The following POP1 variants were observed in gnomAD, a reference collection of about 807,000 sequenced individuals.
POP1 encodes ribonucleases P/MRP protein subunit POP1.
Under a neutral mutation model 102.2 loss-of-function variants are expected in POP1, and 75 were observed. That is an observed-to-expected ratio of 0.73 (90% CI 0.61 to 0.89). The LOEUF is 0.89. Among genes scored for constraint, POP1 ranks in the 40% least tolerant of loss-of-function variants. The pLI is 0.00. For missense variants in POP1, 1,116 were observed against 1,267.4 expected (o/e 0.88, Z 1.81); for synonymous variants, 436 against 464.1 (o/e 0.94, Z 0.78).
At position 98,128,445 on chromosome 8, in the gene POP1, G is replaced by T; in HGVS notation, c.391G>T (p.Val131Phe). Residue 131 changes from valine to phenylalanine, a missense_variant, in exon 4 of 16, where the codon GTT becomes TTT. Val to Phe is a conservative substitution (Grantham distance 50, BLOSUM62 -1). Coordinates refer to ENST00000401707, the MANE Select transcript of POP1 (RefSeq NM_001145860.2). ...GACCCAGAAGTCTTCGAATTCACTGGTTTTTCAGACTCTGCCACGGCACAT... is the reference window on the plus strand; with the variant it reads ...GACCCAGAAGTCTTCGAATTCACTGTTTTTTCAGACTCTGCCACGGCACAT... ...AVTQKSSNSL[V>F]FQTLPRHMRR... The T allele has an allele frequency of 6.2e-7, 1 of 1,614,072 alleles. No homozygotes were observed. The highest frequency in any genetic ancestry group is 8.5e-7 in the Non-Finnish European group (1 of 1,179,982).
At chr8:98,145,397 C>CT (rs1384500890) in intron 11 of POP1, among the ~76,000 whole-genome samples, 2 of 152,220 alleles carry the variant, frequency 1.3e-5, no homozygotes, top group Admixed American at 6.5e-5. Context: ...CACAAATTGT[C>CT]TTTTTTTCTA....
At position 98,153,065 on chromosome 8, in the gene POP1, G is replaced by T. The variant is rs564557893; in HGVS notation, c.2057+2426G>T. Among the ~76,000 whole-genome samples, 15 of 152,240 alleles carry T rather than the reference G, an allele frequency of 9.9e-5. 1 individual carries two copies. In the South Asian group the frequency reaches 3.1e-3, roughly 32 times the overall value. ...GCTTACTGCAGCCTCCAACTCGTGG[G>T]CTCAAGCAATCCTCCCATCTCAGCT... On this transcript the variant is annotated intron_variant, in intron 14 of 15. Coordinates refer to ENST00000401707, the MANE Select transcript of POP1 (RefSeq NM_001145860.2).
Position 98,150,587 on chromosome 8 carries a change from G to A in POP1, c.2005G>A (p.Gly669Arg), listed in dbSNP as rs370690287. ...AGGCGATTTTCCAGACTGCCCTGCCGGGATGCTGTTTGCGGAAGAGCAAGC... is the reference window on the plus strand; with the variant it reads ...AGGCGATTTTCCAGACTGCCCTGCCAGGATGCTGTTTGCGGAAGAGCAAGC... ...VPGDFPDCPA[G>R]MLFAEEQAKN... is the part of the protein sequence containing the mutation. The change falls in exon 14 of 16, where the codon GGG (glycine) becomes AGG (arginine). Residue 669 changes from glycine (G) to arginine (R), a missense_variant. Transcript: ENST00000401707. 1.9e-5 allele frequency: 31 copies of A among 1,614,046 alleles called. No homozygotes were observed. Among genetic ancestry groups the A allele is most frequent in the Non-Finnish European group, 2.6e-5 (31 of 1,180,042 alleles).
intron 7 of POP1, among the ~76,000 whole-genome samples, chr8:98,135,768 AG>A (rs1816518580): frequency 6.6e-6 from 1 of 152,122 alleles, no homozygotes; most frequent in Non-Finnish European, 1.5e-5. Flanking sequence ...GTGCAGTCAT[AG>A]CCCACTGCAG....
At chr8:98,132,677 G>T (rs982473205) in intron 5 of POP1, among the ~76,000 whole-genome samples, 1 of 152,100 alleles carries the variant, frequency 6.6e-6, no homozygotes, top group Non-Finnish European at 1.5e-5. Flanking sequence ...TGTCAGATAA[G>T]ATAACCATAC....
intron 14 of POP1, among the ~76,000 whole-genome samples, chr8:98,152,765 A>C (rs1413573807): frequency 6.6e-6 from 1 of 152,210 alleles, no homozygotes. Flanking sequence ...CCTGTAATTT[A>C]TCAGTGGCTT....
chr8:98,151,967 C>G (rs1481824678), intron 14 of POP1, among the ~76,000 whole-genome samples: 1 of 152,004 alleles, frequency 6.6e-6, no homozygotes, highest in Non-Finnish European at 1.5e-5. Context: ...TTCCTGGGCT[C>G]AAGTGATCCA....
chr8:98,152,244 T>A (rs1265492338), intron 14 of POP1, among the ~76,000 whole-genome samples: 1 of 152,268 alleles, frequency 6.6e-6, no homozygotes. Context: ...GAGCTTTTTA[T>A]GCATGCAAAT....
intron 14 of POP1, among the ~76,000 whole-genome samples, chr8:98,151,662 G>A (rs1456972022): frequency 3.3e-5 from 5 of 151,474 alleles, no homozygotes; most frequent in African/African-American, 1.2e-4. Context: ...TTGATGGTGA[G>A]CTTCATGAGG....
intron 9 of POP1, among the ~76,000 whole-genome samples, chr8:98,139,009 C>T (rs548778510): frequency 2.0e-4 from 30 of 152,224 alleles, no homozygotes; most frequent in Admixed American, 1.8e-3. Flanking sequence ...CCAGCCAACA[C>T]ACCCGGCTAA....
At chr8:98,145,638 G>C (rs1458461965) in intron 11 of POP1, among the ~76,000 whole-genome samples, 2 of 152,160 alleles carry the variant, frequency 1.3e-5, no homozygotes, top group Non-Finnish European at 1.5e-5. Context: ...GGGCACGGTG[G>C]CTCACACCTA....
intron 12 of POP1, among the ~76,000 whole-genome samples, chr8:98,147,373 C>G (rs1293351045): frequency 6.6e-6 from 1 of 152,088 alleles, no homozygotes; most frequent in East Asian, 1.9e-4. Flanking sequence ...TGTACAGGAG[C>G]CCAGGCAAAA....
rs1189027279 is a variant in POP1, at chr8:98,127,740, G to A, written c.288G>A (p.Gln96=). 2 of 1,613,892 alleles carry A rather than the reference G, an allele frequency of 1.2e-6. No homozygotes were observed. The highest frequency in any genetic ancestry group is 1.7e-6 in the Non-Finnish European group (2 of 1,179,954). Residue 96 remains glutamine, a synonymous_variant, in exon 3 of 16, where the codon CAG becomes CAA. Transcript: ENST00000401707. ...GWKAGPEGTS[Q]EIPKYITAST... is the part of the protein sequence containing the mutation. ...AAGCAGGTCCCGAGGGCACGTCTCA[G>A]GAGATCCCCAAGTATATAACTGGTG...
At chr8:98,131,676 G>T (rs1816385773) in intron 5 of POP1, among the ~76,000 whole-genome samples, 1 of 152,024 alleles carries the variant, frequency 6.6e-6, no homozygotes, top group Admixed American at 6.6e-5. Flanking sequence ...TTAATTTTTT[G>T]AGGTACTGCC....
At chr8:98,155,769 T>G (rs889185636) in intron 14 of POP1, among the ~76,000 whole-genome samples, 1 of 151,822 alleles carries the variant, frequency 6.6e-6, no homozygotes, top group East Asian at 1.9e-4. Flanking sequence ...TTAGTAGAGC[T>G]TTCACCATGT....
intron 1 of POP1, among the ~76,000 whole-genome samples, chr8:98,120,646 AT>A (rs112406747): frequency 0.2 from 16,098 of 80,280 alleles, 1,653 homozygotes; most frequent in African/African-American, 0.39. Context: ...TCATTTTTGT[AT>A]TTTTTTTTTT....
chr8:98,124,043 TTTACG>T (rs1403439686), intron 2 of POP1, among the ~76,000 whole-genome samples: 1 of 152,110 alleles, frequency 6.6e-6, no homozygotes, highest in African/African-American at 2.4e-5. Context: ...TTTCCCTGTG[TTTACG>T]TTCCCAGCCG....
chr8:98,150,407 C>T, intron 13 of POP1, 78 bp from the exon 14 acceptor site: 1 of 1,526,880 alleles, frequency 6.5e-7, no homozygotes, highest in East Asian at 2.3e-5. Context: ...TAGGTTGTTT[C>T]CATTTTCCCC....
chr8:98,148,981 G>A lies in POP1; in HGVS notation c.1877G>A (p.Trp626Ter). 3 of 1,613,392 alleles carry A rather than the reference G, an allele frequency of 1.9e-6. No individual in the cohort carries two copies. The highest frequency in any genetic ancestry group is 2.5e-6 in the Non-Finnish European group (3 of 1,179,638). The change falls in exon 13 of 16, where the codon TGG becomes TAG. Residue 626 changes from tryptophan (W) to a stop codon, truncating the protein, a stop_gained. Coordinates refer to ENST00000401707, the MANE Select transcript of POP1 (RefSeq NM_001145860.2). LOFTEE classifies it high-confidence loss of function. Reference sequence around the variant, plus strand: ...TGGGATGTCCTACTCCCAAAGGGCTGGGGCATGGCTTTCTGGATTCCATTT... The same window carrying A: ...TGGGATGTCCTACTCCCAAAGGGCTAGGGCATGGCTTTCTGGATTCCATTT... Reference protein sequence around the residue: ...SGWDVLLPKGWGMAFWIPFIY... With the variant: ...SGWDVLLPKG
Sources: allele counts gnomAD v4.1 joint callset (sites outside exome capture counted in the v4.1 genomes callset), GRCh38; gene constraint gnomAD v4.1.1; transcripts MANE v1.5; gene names NCBI Gene and HGNC (gene_info 2026-07-23, HGNC 2026-07-21).